NAALADL2: variants seen among roughly 807,000 people sequenced by gnomAD.
NAALADL2 encodes inactive N-acetylated-alpha-linked acidic dipeptidase-like protein 2.
NAALADL2 carries 76 observed loss-of-function variants against 87.2 expected under a neutral mutation model. That is an observed-to-expected ratio of 0.87 (90% CI 0.72 to 1.05). The LOEUF (loss-of-function observed/expected upper bound fraction) is 1.05, where lower values mean the gene tolerates loss of function less well. NAALADL2 is among the 50% of genes least tolerant of loss of function. NAALADL2 has a pLI of 0.00. For synonymous variants in NAALADL2, 354 were observed against 331.0 expected (o/e 1.07, Z -0.75); for missense variants, 1,089 against 945.8 (o/e 1.15, Z -1.99).
chr3:175,475,234 T>C (rs1725523615), intron 9 of NAALADL2, among the ~76,000 whole-genome samples: 1 of 152,094 alleles, frequency 6.6e-6, no homozygotes, highest in African/African-American at 2.4e-5. Flanking sequence ...TAATTTTATT[T>C]CCATTGACTC....
intron 1 of NAALADL2, among the ~76,000 whole-genome samples, chr3:174,493,307 G>C (rs2108353759): frequency 6.6e-6 from 1 of 152,172 alleles, no homozygotes; most frequent in Non-Finnish European, 1.5e-5. Flanking sequence ...CTTACTGAAA[G>C]AATAAATTTG....
Position 174,559,496 on chromosome 3 carries a change from C to A in NAALADL2, c.-115+8859C>A, listed in dbSNP as rs576554996. Among the ~76,000 whole-genome samples, 3 of 152,176 alleles carry A rather than the reference C, an allele frequency of 2.0e-5. No individual in the cohort carries two copies. In the South Asian group the frequency reaches 6.2e-4, roughly 32 times the overall value. ...ATCAGAAGTCAGCATGGCAGATTATCGTGCAAGATGGAGTTGCTTTAGCCT... is the reference window on the plus strand; with the variant it reads ...ATCAGAAGTCAGCATGGCAGATTATAGTGCAAGATGGAGTTGCTTTAGCCT... On this transcript the variant is annotated intron_variant, in intron 2 of 3. Transcript: ENST00000434257.
chr3:175,177,463 G>A (rs1454608178), intron 2 of NAALADL2, among the ~76,000 whole-genome samples: 5 of 152,000 alleles, frequency 3.3e-5, no homozygotes, highest in African/African-American at 1.2e-4. Flanking sequence ...ACCCTACTCC[G>A]ATCACTCATC....
At position 175,649,088 on chromosome 3, in the gene NAALADL2, T is replaced by C. The variant is rs573368097; in HGVS notation, c.1896+21702T>C. 2.6e-5 allele frequency among the ~76,000 whole-genome samples: 4 copies of C among 152,310 alleles called. No individual in the cohort carries two copies. In the East Asian group the frequency reaches 7.7e-4, roughly 29 times the overall value. On this transcript the variant is annotated intron_variant, in intron 11 of 13. Transcript: ENST00000454872. ...GACTTGGATGCCTGTGAGAACAAGATAATTTATTTTAAAAATCCTGCAGAT... is the reference window on the plus strand; with the variant it reads ...GACTTGGATGCCTGTGAGAACAAGACAATTTATTTTAAAAATCCTGCAGAT...
chr3:175,327,209 G>A lies in NAALADL2; in HGVS notation c.1090+2884G>A, dbSNP rs539780898. On this transcript the variant is annotated intron_variant, in intron 5 of 13. Coordinates refer to ENST00000454872, the MANE Select transcript of NAALADL2 (RefSeq NM_207015.3). ...CTCGCTCTGTCGCCCAGGCTGGAGT[G>A]CAGCGGCACAATCTGGGCTCACTGC... Among the ~76,000 whole-genome samples, 4 of 141,678 alleles carry A rather than the reference G, an allele frequency of 2.8e-5. No homozygotes were observed. In the East Asian group the frequency reaches 8.7e-4, roughly 31 times the overall value. The allele number at this position is 141,678 out of a possible 152,430, so 92.9% of individuals were successfully genotyped here.
chr3:175,152,484 G>GTATGTA (rs1475716247), intron 2 of NAALADL2, among the ~76,000 whole-genome samples: 1 of 152,044 alleles, frequency 6.6e-6, no homozygotes, highest in Non-Finnish European at 1.5e-5. Context: ...ATGTATGTGG[G>GTATGTA]TACATAATTC....
In NAALADL2 at chr3:175,368,067, C is replaced by G. The variant is rs373345454; in HGVS notation, c.1090+43742C>G. On this transcript the variant is annotated intron_variant, in intron 5 of 13. Transcript: ENST00000454872. The stretch of plus-strand genomic sequence containing the variant: ...TTTATTGAGAGTTTTTAGCATGAAG[C>G]GTTGTTGAATTTTGTCAAAGGCCTT... Among the ~76,000 whole-genome samples, 23 of 151,888 alleles carry G rather than the reference C, an allele frequency of 1.5e-4. 1 individual carries two copies. Among genetic ancestry groups the G allele is most frequent in the Admixed American group, 5.9e-4 (9 of 15,234 alleles).
intron 5 of NAALADL2, among the ~76,000 whole-genome samples, chr3:175,404,193 A>G (rs1291864312): frequency 6.6e-6 from 1 of 152,106 alleles, no homozygotes; most frequent in African/African-American, 2.4e-5. Context: ...TGGAAACAGC[A>G]AGTACTTGCT....
chr3:174,895,044 A>C (rs918950267), intron 1 of NAALADL2, among the ~76,000 whole-genome samples: 1 of 152,166 alleles, frequency 6.6e-6, no homozygotes, highest in African/African-American at 2.4e-5. Context: ...CACAGAGATA[A>C]GCTTATAGCT....
chr3:175,153,251 G>T (rs1472920527), intron 2 of NAALADL2, among the ~76,000 whole-genome samples: 1 of 152,072 alleles, frequency 6.6e-6, no homozygotes, highest in African/African-American at 2.4e-5. Context: ...AGAGATAAAA[G>T]CCTGCTCCTC....
intron 1 of NAALADL2, among the ~76,000 whole-genome samples, chr3:174,988,820 G>T (rs542833482): frequency 1.3e-5 from 2 of 152,310 alleles, no homozygotes; most frequent in South Asian, 4.1e-4. Flanking sequence ...AATTAGATCT[G>T]TAATGACCCT....
chr3:175,570,755 C>T (rs1219475584), intron 9 of NAALADL2, among the ~76,000 whole-genome samples: 1 of 151,870 alleles, frequency 6.6e-6, no homozygotes, highest in African/African-American at 2.4e-5. Flanking sequence ...TGGCGGGCGC[C>T]TGTAGTCCCA....
At chr3:175,089,215 C>T (rs919130565) in intron 1 of NAALADL2, among the ~76,000 whole-genome samples, 6 of 152,002 alleles carry the variant, frequency 3.9e-5, no homozygotes, top group South Asian at 2.1e-4. Context: ...AGAGCAGATC[C>T]GGAGATCTGA....
In NAALADL2 at chr3:174,646,121, C is replaced by T. The variant is rs372365422; in HGVS notation, c.-114-91520C>T. Among the ~76,000 whole-genome samples, 5 of 152,160 alleles carry T rather than the reference C, an allele frequency of 3.3e-5. No homozygotes were observed. In the East Asian group the frequency reaches 7.7e-4, roughly 24 times the overall value. On this transcript the variant is annotated intron_variant, in intron 2 of 3. Transcript: ENST00000434257. ...ATAAATTGAAAAATCAGTTTATCAG[C>T]ATTCAGCTGAGACTACACATCAAAT...
chr3:175,013,456 G>A (rs573441266), intron 1 of NAALADL2, among the ~76,000 whole-genome samples: 70 of 149,026 alleles, frequency 4.7e-4, no homozygotes, highest in African/African-American at 1.4e-3. Context: ...GCACCACCAC[G>A]CCCAGCTAAT....
chr3:174,565,346 A>T (rs1015680466), intron 2 of NAALADL2, among the ~76,000 whole-genome samples: 1 of 151,982 alleles, frequency 6.6e-6, no homozygotes, highest in Non-Finnish European at 1.5e-5. Context: ...CCCTTCCCCC[A>T]AATCCTTGGC....
intron 1 of NAALADL2, among the ~76,000 whole-genome samples, chr3:174,493,214 G>A (rs1469379018): frequency 6.6e-6 from 1 of 152,084 alleles, no homozygotes; most frequent in Non-Finnish European, 1.5e-5. Flanking sequence ...AATGTAACCC[G>A]ATTTGGATAC....
chr3:174,851,187 C>A (rs1291869981), intron 3 of NAALADL2, among the ~76,000 whole-genome samples: 3 of 151,878 alleles, frequency 2.0e-5, no homozygotes, highest in Non-Finnish European at 4.4e-5. Flanking sequence ...CCTAATGATT[C>A]ATCTTAAAGA....
chr3:175,573,561 C>G (rs1221480808), intron 9 of NAALADL2, among the ~76,000 whole-genome samples: 1 of 152,160 alleles, frequency 6.6e-6, no homozygotes, highest in Non-Finnish European at 1.5e-5. Flanking sequence ...AACTTAAAAA[C>G]AAAGAACAAC....
Sources: allele counts gnomAD v4.1 joint callset (sites outside exome capture counted in the v4.1 genomes callset), GRCh38; gene constraint gnomAD v4.1.1; transcripts MANE v1.5; gene names NCBI Gene and HGNC (gene_info 2026-07-23, HGNC 2026-07-21).